PPFIA2: variants seen among roughly 807,000 people sequenced by gnomAD.
PPFIA2 encodes liprin-alpha-2.
PPFIA2 carries 46 observed loss-of-function variants against 175.5 expected under a neutral mutation model. The observed-to-expected ratio is 0.26, with a 90% CI of 0.21 to 0.34. PPFIA2 has a LOEUF of 0.34. Among genes scored for constraint, PPFIA2 ranks in the 10% least tolerant of loss-of-function variants. PPFIA2 has a pLI of 1.00. For missense variants in PPFIA2, 1,179 were observed against 1,506.1 expected (o/e 0.78, Z 3.60); for synonymous variants, 568 against 511.4 (o/e 1.11, Z -1.49).
At chr12:81,323,286 G>A (rs2054074170) in intron 22 of PPFIA2, among the ~76,000 whole-genome samples, 1 of 151,974 alleles carries the variant, frequency 6.6e-6, no homozygotes, top group South Asian at 2.1e-4. Context: ...GGGATAGTGA[G>A]CATAGCTCTG....
chr12:81,462,612 T>C lies in PPFIA2; in HGVS notation c.304-4746A>G, dbSNP rs116720535. Among the ~76,000 whole-genome samples the C allele has an allele frequency of 9.0e-3, 1,116 of 124,440 alleles. 13 individuals carry two copies. The highest frequency in any genetic ancestry group is 0.03 in the African/African-American group (1,052 of 35,066). The allele number at this position is 124,440 out of a possible 152,430, so 81.6% of individuals were successfully genotyped here. A position where few individuals can be genotyped will look rare whatever the true frequency, so the allele number is the denominator to read the frequency against. The stretch of plus-strand genomic sequence containing the variant: ...TATATATATATATATATATATAATA[T>C]AGCGATTACCTGGAAACTGCCAAAT... On this transcript the variant is annotated intron_variant, in intron 4 of 32. Transcript: ENST00000549396.
At chr12:81,468,169 A>G (rs565498848) in intron 4 of PPFIA2, among the ~76,000 whole-genome samples, 1 of 152,292 alleles carries the variant, frequency 6.6e-6, no homozygotes, top group Admixed American at 6.5e-5. Flanking sequence ...TCAGGAAGCA[A>G]TTCTAACAGA....
At chr12:81,478,022 G>C (rs2057705256) in intron 4 of PPFIA2, among the ~76,000 whole-genome samples, 1 of 152,120 alleles carries the variant, frequency 6.6e-6, no homozygotes, top group African/African-American at 2.4e-5. Flanking sequence ...GAATTCGGCT[G>C]TGAATCCATC....
intron 4 of PPFIA2, among the ~76,000 whole-genome samples, chr12:81,478,318 C>G (rs1182716983): frequency 6.6e-6 from 1 of 151,866 alleles, no homozygotes; most frequent in Non-Finnish European, 1.5e-5. Context: ...CTTTATTAGT[C>G]TGGCTAGCAG....
intron 4 of PPFIA2, among the ~76,000 whole-genome samples, chr12:81,611,855 T>C (rs1480848752): frequency 6.6e-6 from 1 of 152,216 alleles, no homozygotes; most frequent in Admixed American, 6.5e-5. Flanking sequence ...ACATCTCACA[T>C]GTCCATAGGG....
At chr12:81,611,824 A>G (rs549710270) in intron 4 of PPFIA2, among the ~76,000 whole-genome samples, 30 of 152,220 alleles carry the variant, frequency 2.0e-4, no homozygotes, top group African/African-American at 7.0e-4. Flanking sequence ...GTCTCTGCCT[A>G]TTCCCTGGAG....
In PPFIA2 at chr12:81,347,568, C is replaced by T. The variant is rs1486811611; in HGVS notation, c.2197G>A (p.Ala733Thr). Residue 733 changes from alanine (A) to threonine (T), a missense_variant, in exon 18 of 33, where the codon GCC becomes ACC. Around this residue, in one of 10 missense-constraint regions of PPFIA2, gnomAD observed 223 missense variants for 241.6 expected, o/e 0.92. Transcript: ENST00000549396. ...ACTCCCATCCGATCCATTTCCCTGG[C>T]AGGGCTTCGAGGGGTGAGCTTTGGA... is the stretch of plus-strand genomic sequence containing the variant. ...STPKLTPRSP[A>T]REMDRMGVMT... 2 of 1,612,884 alleles carry T rather than the reference C, an allele frequency of 1.2e-6. No individual in the cohort carries two copies. The highest frequency in any genetic ancestry group is 1.7e-6 in the Non-Finnish European group (2 of 1,179,018).
chr12:81,712,535 T>A (rs985431150), intron 3 of PPFIA2, among the ~76,000 whole-genome samples: 1 of 151,158 alleles, frequency 6.6e-6, no homozygotes, highest in Non-Finnish European at 1.5e-5. Context: ...AAGAGTTTAG[T>A]AATAAGTATC....
intron 4 of PPFIA2, chr12:81,512,410 C>G (rs1427551493): frequency 1.6e-6 from 2 of 1,217,376 alleles, no homozygotes; most frequent in Admixed American, 5.0e-5. Context: ...TGATGCTGGA[C>G]CCAGCCTAAA....
At chr12:81,612,834 C>A (rs2061063521) in intron 4 of PPFIA2, among the ~76,000 whole-genome samples, 1 of 152,060 alleles carries the variant, frequency 6.6e-6, no homozygotes, top group Non-Finnish European at 1.5e-5. Context: ...TACATAAATA[C>A]ACGTGCACAA....
At chr12:81,724,757 T>C (rs956581866) in intron 3 of PPFIA2, among the ~76,000 whole-genome samples, 1 of 150,966 alleles carries the variant, frequency 6.6e-6, no homozygotes, top group Non-Finnish European at 1.5e-5. Context: ...TCATTCCATA[T>C]CTCTGCTATA....
chr12:81,537,963 C>G lies in PPFIA2; in HGVS notation c.304-80097G>C, dbSNP rs1453437984. Among the ~76,000 whole-genome samples the G allele has an allele frequency of 2.0e-5, 3 of 152,010 alleles. No individual in the cohort carries two copies. In the East Asian group the frequency reaches 5.8e-4, roughly 29 times the overall value. On this transcript the variant is annotated intron_variant, in intron 4 of 32. Coordinates refer to ENST00000549396, the MANE Select transcript of PPFIA2 (RefSeq NM_003625.5). ...CAGGACACTAACAGTGGATCAATCT[C>G]TCAAACGTAGACTCACATTATCCAT...
chr12:81,367,656 A>G (rs1038256965), intron 13 of PPFIA2, among the ~76,000 whole-genome samples: 3 of 151,660 alleles, frequency 2.0e-5, no homozygotes, highest in Admixed American at 1.3e-4. Flanking sequence ...AATGATACTT[A>G]AATTATTAGA....
intron 3 of PPFIA2, among the ~76,000 whole-genome samples, chr12:81,753,118 A>G (rs2084087424): frequency 6.6e-6 from 1 of 152,006 alleles, no homozygotes; most frequent in South Asian, 2.1e-4. Context: ...GTATTTTAGT[A>G]GAGATGGGGT....
At position 81,299,946 on chromosome 12, in the gene PPFIA2, T is replaced by C. The variant is rs1044409913; in HGVS notation, c.2643-564A>G. Among the ~76,000 whole-genome samples, 9 of 152,130 alleles carry C rather than the reference T, an allele frequency of 5.9e-5. 1 individual carries two copies. The highest frequency in any genetic ancestry group is 5.9e-4 in the Admixed American group (9 of 15,244). On this transcript the variant is annotated intron_variant, in intron 22 of 32. Transcript: ENST00000549396. ...AAACTACATCTCACTTGGAGAAAACTCCAAGGTAAATTGATTTCTAACACT... is the reference window on the plus strand; with the variant it reads ...AAACTACATCTCACTTGGAGAAAACCCCAAGGTAAATTGATTTCTAACACT...
chr12:81,633,861 T>C (rs920344427), intron 4 of PPFIA2, among the ~76,000 whole-genome samples: 3 of 151,924 alleles, frequency 2.0e-5, no homozygotes, highest in Non-Finnish European at 4.4e-5. Flanking sequence ...AGGTGGGTAA[T>C]AGAGAGGTTG....
chr12:81,708,462 G>A (rs993296568), intron 3 of PPFIA2, among the ~76,000 whole-genome samples: 7 of 151,832 alleles, frequency 4.6e-5, no homozygotes, highest in African/African-American at 1.7e-4. Context: ...GTTTTCTTAA[G>A]TTATTTTGAA....
chr12:81,466,057 G>C (rs1359224476), intron 4 of PPFIA2, among the ~76,000 whole-genome samples: 1 of 152,016 alleles, frequency 6.6e-6, no homozygotes, highest in Non-Finnish European at 1.5e-5. Context: ...AATGTCTCAC[G>C]GTCAGCCCTG....
chr12:81,313,975 C>G lies in PPFIA2; in HGVS notation c.2642+11802G>C, dbSNP rs978569802. Among the ~76,000 whole-genome samples, 4 of 151,928 alleles carry G rather than the reference C, an allele frequency of 2.6e-5. 1 individual carries two copies. The highest frequency in any genetic ancestry group is 2.6e-4 in the Admixed American group (4 of 15,262). ...ACAGAAAACACAAATTTAAAAGATA[C>G]TGCTCAAAAAGCATTGCACAAATTT... On this transcript the variant is annotated intron_variant, in intron 22 of 32. Transcript: ENST00000549396.
Sources: allele counts gnomAD v4.1 joint callset (sites outside exome capture counted in the v4.1 genomes callset), GRCh38; gene constraint gnomAD v4.1.1; regional missense constraint gnomAD v4.1.1; transcripts MANE v1.5; gene names NCBI Gene and HGNC (gene_info 2026-07-23, HGNC 2026-07-21).